The following SLC9D1 variants were observed in gnomAD, a reference collection of about 807,000 sequenced individuals.
The protein encoded by SLC9D1 is putative LAG1-interacting protein.
the SLC9D1 span, among the ~76,000 whole-genome samples, chr13:113,493,794 G>A: frequency 6.6e-6 from 1 of 151,552 alleles, no homozygotes; most frequent in African/African-American, 2.4e-5. Flanking sequence ...ATTCTGATCA[G>A]TACTGTTGTC....
At chr13:113,499,383 A>G in the SLC9D1 span, among the ~76,000 whole-genome samples, 1 of 152,212 alleles carries the variant, frequency 6.6e-6, no homozygotes, top group African/African-American at 2.4e-5. Context: ...CCGGACATGC[A>G]GCCCAGTAGG....
the SLC9D1 span, among the ~76,000 whole-genome samples, chr13:113,536,946 G>A: frequency 6.6e-6 from 1 of 152,136 alleles, no homozygotes; most frequent in Admixed American, 6.5e-5. Context: ...AGCACGCCGT[G>A]CCCCACAGCC....
the SLC9D1 span, chr13:113,524,083 A>G: frequency 2.2e-6 from 1 of 455,638 alleles, no homozygotes; most frequent in East Asian, 7.0e-5. Context: ...AAAAAAGTGT[A>G]TTCTGTTATT....
the SLC9D1 span, among the ~76,000 whole-genome samples, chr13:113,509,765 G>A: frequency 0.18 from 28,131 of 152,124 alleles, 3,467 homozygotes; most frequent in African/African-American, 0.35. Context: ...CGATTGAAGC[G>A]TGCTTTCTTC....
chr13:113,546,485 C>T, the SLC9D1 span, among the ~76,000 whole-genome samples: 4 of 152,102 alleles, frequency 2.6e-5, no homozygotes, highest in Admixed American at 6.5e-5. This position sits in a 1 kb window ranked among gnomAD's most constrained non-coding sequence, Gnocchi z 7.1. Flanking sequence ...AGCCCTCAAG[C>T]GCAAGAGAAC....
the SLC9D1 span, chr13:113,539,274 C>G: frequency 1.5e-6 from 2 of 1,340,864 alleles, no homozygotes; most frequent in South Asian, 2.5e-5. The surrounding 1 kb of genome is among the most constrained non-coding windows in gnomAD (Gnocchi z 4.8). Flanking sequence ...GGTGGCTCTG[C>G]TGGGTCTCGG....
the SLC9D1 span, among the ~76,000 whole-genome samples, chr13:113,520,018 C>T: frequency 6.6e-6 from 1 of 152,184 alleles, no homozygotes; most frequent in Non-Finnish European, 1.5e-5. Context: ...TGTGATTATC[C>T]AAGCCTGTCA....
chr13:113,499,845 C>T, the SLC9D1 span: 1 of 549,296 alleles, frequency 1.8e-6, no homozygotes, highest in Non-Finnish European at 2.9e-6. Flanking sequence ...TCCTAATTCA[C>T]TGCTAATGAA....
the SLC9D1 span, among the ~76,000 whole-genome samples, chr13:113,549,021 G>T: frequency 6.6e-6 from 1 of 152,192 alleles, no homozygotes; most frequent in South Asian, 2.1e-4. Context: ...GGGCAGGCTG[G>T]CTTGTTACTG....
chr13:113,549,247 CCATCCCCCACCCCCCCGTGCAGG>C, the SLC9D1 span, among the ~76,000 whole-genome samples: 1 of 152,080 alleles, frequency 6.6e-6, no homozygotes, highest in Admixed American at 6.5e-5. Flanking sequence ...CGCTTAGCTT[CCATCCCCCACCCCCCCGTGCAGG>C]CATCCCTCCC....
the SLC9D1 span, chr13:113,549,832 AATT>A: frequency 3.5e-6 from 2 of 578,240 alleles, no homozygotes; most frequent in Non-Finnish European, 6.1e-6. Context: ...TTTTCCCTGA[AATT>A]ATTATTAATT....
the SLC9D1 span, among the ~76,000 whole-genome samples, chr13:113,525,364 A>T: frequency 6.6e-6 from 1 of 152,234 alleles, no homozygotes; most frequent in African/African-American, 2.4e-5. Flanking sequence ...TGCCAATCAT[A>T]TAAAAGGCTC....
At chr13:113,538,362 C>T in the SLC9D1 span, among the ~76,000 whole-genome samples, 4 of 152,330 alleles carry the variant, frequency 2.6e-5, no homozygotes, top group South Asian at 8.3e-4. Context: ...TCGGCTGCAC[C>T]GCAGCTTGAT....
chr13:113,541,174 G>T, the SLC9D1 span, among the ~76,000 whole-genome samples: 1 of 152,220 alleles, frequency 6.6e-6, no homozygotes, highest in African/African-American at 2.4e-5. Context: ...TTTTCTTGGA[G>T]TTGCTTTGGC....
At chr13:113,511,363 G>A in the SLC9D1 span, among the ~76,000 whole-genome samples, 3 of 152,250 alleles carry the variant, frequency 2.0e-5, no homozygotes, top group South Asian at 2.1e-4. Context: ...CCCATAAACC[G>A]AGAGGCTCTG....
At chr13:113,505,824 C>T in the SLC9D1 span, 1 of 152,236 alleles carries the variant, frequency 6.6e-6, no homozygotes, top group South Asian at 2.1e-4. Flanking sequence ...CCATTTGCTT[C>T]CTCAGTTCAT....
chr13:113,491,831 C>CG, the SLC9D1 span, among the ~76,000 whole-genome samples: 4 of 152,338 alleles, frequency 2.6e-5, no homozygotes, highest in South Asian at 2.1e-4. Flanking sequence ...GACGCCTGCG[C>CG]GGGGGAAGCA....
At chr13:113,544,293 A>G in the SLC9D1 span, among the ~76,000 whole-genome samples, 2 of 152,200 alleles carry the variant, frequency 1.3e-5, no homozygotes, top group Non-Finnish European at 2.9e-5. Context: ...AGGGTGTGAA[A>G]GGGGCAGGGC....
At chr13:113,541,406 G>A in the SLC9D1 span, among the ~76,000 whole-genome samples, 4 of 147,242 alleles carry the variant, frequency 2.7e-5, no homozygotes, top group East Asian at 8.1e-4. Flanking sequence ...GCACACGATC[G>A]CTGATCACTG....
Sources: allele counts gnomAD v4.1 joint callset (sites outside exome capture counted in the v4.1 genomes callset), GRCh38; gene constraint gnomAD v4.1.1; non-coding constraint Gnocchi (gnomAD v3.1); transcripts MANE v1.5; gene names NCBI Gene and HGNC (gene_info 2026-07-23, HGNC 2026-07-21).